Variants in SPDYE21 observed in about 807,000 individuals in gnomAD.
SPDYE21 encodes the protein speedy/RINGO cell cycle regulator family member E21.
SPDYE21 carries 14 observed loss-of-function variants against 36.2 expected under a neutral mutation model. The ratio of observed to expected loss-of-function variants is 0.39; its 90% confidence interval spans 0.26 to 0.61. SPDYE21 has a LOEUF of 0.61. Among genes scored for constraint, SPDYE21 ranks in the 20% least tolerant of loss-of-function variants. The probability of loss-of-function intolerance (pLI) is 0.55; values close to 1 mark genes in which losing one functional copy is unlikely to be tolerated. For synonymous variants in SPDYE21, 58 were observed against 155.1 expected, an observed-to-expected ratio of 0.37 and a Z score of 4.65; for missense variants, 233 against 424.6, an observed-to-expected ratio of 0.55 and a Z score of 3.97.
rs547800306 is a variant in SPDYE21 at position 67,286,074 on chromosome 7, C to G, written c.786C>G (p.Asp262Glu). 1 of 1,613,438 alleles carries G rather than the reference C, an allele frequency of 6.2e-7. No homozygotes were observed. Among genetic ancestry groups the G allele is most frequent in the African/African-American group, 1.3e-5 (1 of 74,910 alleles). ...LYLANDMEED[D>E]EDSKQNIFHF... ...TGGCCAATGACATGGAGGAGGACGACGAGGACTCCAAACAAAACATCTTCC... is the reference window on the plus strand; with the variant it reads ...TGGCCAATGACATGGAGGAGGACGAGGAGGACTCCAAACAAAACATCTTCC... Residue 262 changes from aspartate (D) to glutamate (E), a missense_variant, in exon 7 of 9, where the codon GAC (aspartate) becomes GAG (glutamate). Asp to Glu is a conservative substitution (Grantham distance 45, BLOSUM62 2). This residue lies in a region of SPDYE21 where 139 missense variants were observed against 175.8 expected (regional missense o/e 0.79). Transcript: ENST00000424157.
In SPDYE21 at chr7:67,280,677, G is replaced by C. The variant is rs912272578; in HGVS notation, c.379+641G>C. Among the ~76,000 whole-genome samples, 4 of 102,490 alleles carry C rather than the reference G, an allele frequency of 3.9e-5. No homozygotes were observed. The Admixed American group carries it at 5.7e-4, about 14-fold the overall frequency. 67.2% of individuals were successfully genotyped at this position (102,490 alleles called of 152,430 possible). ...ACTGCATTCCATTCTGGGTGAGAGAGTGAGAAGCTGTCTCAAAAAAAAAAA... is the reference window on the plus strand; with the variant it reads ...ACTGCATTCCATTCTGGGTGAGAGACTGAGAAGCTGTCTCAAAAAAAAAAA... On this transcript the variant is annotated intron_variant, in intron 3 of 8. Transcript: ENST00000424157.
chr7:67,281,128 A>C (rs1584747436), intron 3 of SPDYE21, among the ~76,000 whole-genome samples: 1 of 134,650 alleles, frequency 7.4e-6, no homozygotes. Context: ...AAAAAAAGGG[A>C]CTCAGAGAGC....
At chr7:67,281,883 G>A (rs1802646731) in intron 4 of SPDYE21, among the ~76,000 whole-genome samples, 1 of 152,158 alleles carries the variant, frequency 6.6e-6, no homozygotes, top group African/African-American at 2.4e-5. Flanking sequence ...GAGGCAAGAG[G>A]ATTGCTTGAA....
At position 67,286,216 on chromosome 7, in the gene SPDYE21, C is replaced by T. The variant is rs1355590127; in HGVS notation, c.928C>T (p.Arg310Cys). 31 of 1,612,026 alleles carry T rather than the reference C, an allele frequency of 1.9e-5. No homozygotes were observed. The highest frequency in any genetic ancestry group is 1.7e-4 in the Middle Eastern group (1 of 6,052). Residue 310 changes from arginine to cysteine, a missense_variant, in exon 7 of 9, where the codon CGT becomes TGT. By Grantham distance (180) the Arg-to-Cys change is radical. Around this residue, in one of 4 missense-constraint regions of SPDYE21, gnomAD observed 139 missense variants for 175.8 expected, o/e 0.79. Coordinates refer to ENST00000424157, the MANE Select transcript of SPDYE21 (RefSeq NM_001382715.2). ...RKNRSRIPLL[R>C]KRRFQLGRSM... The stretch of plus-strand genomic sequence containing the variant: ...GAACCGCTCTCGCATACCCTTGCTC[C>T]GTAAGCGTCGGTTCCAGTTAGGCCG...
rs924858842 is a variant in SPDYE21, at chr7:67,285,957, C to T, written c.756-87C>T. 1.0e-5 allele frequency: 16 copies of T among 1,607,388 alleles called. No individual in the cohort carries two copies. In the African/African-American group the frequency reaches 1.5e-4, roughly 15 times the overall value. ...GTGCCAGTCCTGAGCTAGGGACGGT[C>T]CCTTACCTTCCTCTCTGGGAAGCTG... is the stretch of plus-strand genomic sequence containing the variant. On this transcript the variant is annotated intron_variant, in intron 6 of 8. Coordinates refer to ENST00000424157, the MANE Select transcript of SPDYE21 (RefSeq NM_001382715.2).
At position 67,278,854 on chromosome 7, in the gene SPDYE21, T is replaced by C. The variant is rs905527388; in HGVS notation, c.141T>C (p.Asp47=). Residue 47 remains aspartate (D), a synonymous_variant, in exon 2 of 9, where the codon GAT becomes GAC. Transcript: ENST00000424157. The part of the protein sequence containing the change: ...SGYPLQEVVD[D]EVLGPSAPGV... Reference sequence around the variant, plus strand: ...ACCCCCTCCAGGAGGTGGTGGATGATGAAGTGTTGGGACCATCAGGTGAGG... The same window carrying C: ...ACCCCCTCCAGGAGGTGGTGGATGACGAAGTGTTGGGACCATCAGGTGAGG... Among the ~76,000 whole-genome samples, 2 of 150,968 alleles carry C rather than the reference T, an allele frequency of 1.3e-5. No homozygotes were observed. Among genetic ancestry groups the C allele is most frequent in the African/African-American group, 4.9e-5 (2 of 41,128 alleles).
chr7:67,281,079 C>CTCA (rs1357111652), intron 3 of SPDYE21, among the ~76,000 whole-genome samples: 32 of 99,802 alleles, frequency 3.2e-4, no homozygotes, highest in Non-Finnish European at 4.6e-4. Flanking sequence ...AAGACTGTTT[C>CTCA]GCAACAACAA....
At chr7:67,282,608 A>T in intron 4 of SPDYE21, 27 bp from the exon 5 acceptor site, 2 of 1,587,120 alleles carry the variant, frequency 1.3e-6, no homozygotes, top group Non-Finnish European at 1.7e-6. Flanking sequence ...CCTGCTTCTC[A>T]CACTGACATC....
chr7:67,280,425 G>A lies in SPDYE21; in HGVS notation c.379+389G>A, dbSNP rs116957190. Among the ~76,000 whole-genome samples the A allele has an allele frequency of 5.2e-3, 790 of 152,156 alleles. 24 individuals carry two copies. In the East Asian group the frequency reaches 0.096, roughly 18 times the overall value. On this transcript the variant is annotated intron_variant, in intron 3 of 8. Coordinates refer to ENST00000424157, the MANE Select transcript of SPDYE21 (RefSeq NM_001382715.2). ...TGTGTCAAAAGAAAAACGAAGGCTG[G>A]GTGTGGTAGCTCATGCCTGTAATCC... is the stretch of plus-strand genomic sequence containing the variant.
At chr7:67,282,084 G>T (rs1802650417) in intron 4 of SPDYE21, among the ~76,000 whole-genome samples, 1 of 152,168 alleles carries the variant, frequency 6.6e-6, no homozygotes, top group African/African-American at 2.4e-5. Context: ...AGTGAGCCAA[G>T]ATCAGGCAAC....
intron 2 of SPDYE21, 75 bp from the exon 3 acceptor site, chr7:67,279,743 G>C: frequency 6.3e-7 from 1 of 1,592,812 alleles, no homozygotes; most frequent in Admixed American, 1.7e-5. Context: ...ATGGAGAGTG[G>C]TTTGGGGTTT....
intron 8 of SPDYE21, among the ~76,000 whole-genome samples, chr7:67,286,942 C>A (rs1458340556): frequency 6.6e-6 from 1 of 152,142 alleles, no homozygotes; most frequent in African/African-American, 2.4e-5. Flanking sequence ...GAGACCCTGC[C>A]TCAAAAATAA....
intron 3 of SPDYE21, among the ~76,000 whole-genome samples, chr7:67,280,473 G>A (rs867570109): frequency 2.6e-5 from 4 of 151,814 alleles, no homozygotes; most frequent in Non-Finnish European, 5.9e-5. Flanking sequence ...AGGCTGAGAT[G>A]GGTGGATCAC....
At chr7:67,277,119 T>C (rs576586108) in intron 1 of SPDYE21, among the ~76,000 whole-genome samples, 57 bp downstream of exon 1, 1 of 152,222 alleles carries the variant, frequency 6.6e-6, no homozygotes, top group Non-Finnish European at 1.5e-5. Context: ...TGGAGCACAA[T>C]GGTGCGATCT....
chr7:67,284,913 A>G (rs3980856), intron 6 of SPDYE21, among the ~76,000 whole-genome samples: 15,477 of 130,780 alleles, frequency 0.12, 1,102 homozygotes, highest in Middle Eastern at 0.15. Context: ...ACACTGGCTC[A>G]CCATCTTGGT....
At position 67,283,549 on chromosome 7, in the gene SPDYE21, C is replaced by T. The variant is rs539354400; in HGVS notation, c.670-364C>T. Among the ~76,000 whole-genome samples, 1,232 of 152,126 alleles carry T rather than the reference C, an allele frequency of 8.1e-3. 15 individuals carry two copies. Among genetic ancestry groups the T allele is most frequent in the African/African-American group, 0.028 (1,145 of 41,496 alleles). Reference sequence around the variant, plus strand: ...GGTCCTTTGGGATCTGAGCTCTGGGCCACAGTCTGGCCGCAGCCCTGAATC... The same window carrying T: ...GGTCCTTTGGGATCTGAGCTCTGGGTCACAGTCTGGCCGCAGCCCTGAATC... On this transcript the variant is annotated intron_variant, in intron 5 of 8. Coordinates refer to ENST00000424157, the MANE Select transcript of SPDYE21 (RefSeq NM_001382715.2).
At position 67,286,003 on chromosome 7, in the gene SPDYE21, C is replaced by T. The variant is rs915907798; in HGVS notation, c.756-41C>T. 2.0e-5 allele frequency: 32 copies of T among 1,612,034 alleles called. No homozygotes were observed. In the African/African-American group the frequency reaches 3.5e-4, roughly 17 times the overall value. The stretch of plus-strand genomic sequence containing the variant: ...AGCTGACCTCAGCCGGAGGCCTCTC[C>T]TGGTGGTGCCCCTGAGCAGCAACCT... On this transcript the variant is annotated intron_variant, in intron 6 of 8. Coordinates refer to ENST00000424157, the MANE Select transcript of SPDYE21 (RefSeq NM_001382715.2).
At chr7:67,283,567 C>T (rs1282041263) in intron 5 of SPDYE21, among the ~76,000 whole-genome samples, 5 of 152,060 alleles carry the variant, frequency 3.3e-5, no homozygotes, top group Non-Finnish European at 7.4e-5. Context: ...TGGCCGCAGC[C>T]CTGAATCTCC....
In SPDYE21 at chr7:67,288,730, GATAC is replaced by G. The variant is rs1259159800; in HGVS notation, c.*1259_*1262del. On this transcript the variant is annotated 3_prime_UTR_variant, in exon 9 of 9. Coordinates refer to ENST00000424157, the MANE Select transcript of SPDYE21 (RefSeq NM_001382715.2). ...CTGAAGGGAGCATGTTTTTATCTAT[GATAC>G]TTAGTTAACATATATATTACATTTA... 7.0e-6 allele frequency among the ~76,000 whole-genome samples: 1 copy of G among 142,532 alleles called. No individual in the cohort carries two copies. Among genetic ancestry groups the G allele is most frequent in the Non-Finnish European group, 1.6e-5 (1 of 64,262 alleles). 93.5% of individuals were successfully genotyped at this position (142,532 alleles called of 152,430 possible).
Sources: gnomAD v4.1 joint callset for allele counts (sites outside exome capture counted in the v4.1 genomes callset) on GRCh38, gnomAD v4.1.1 for gene constraint, gnomAD v4.1.1 regional missense constraint, MANE v1.5 for transcripts, NCBI Gene and HGNC (gene_info 2026-07-23, HGNC 2026-07-21) for gene names.